CFTR: variants seen among roughly 807,000 people sequenced by gnomAD.
CFTR encodes the protein CF transmembrane conductance regulator, also known as cystic fibrosis transmembrane conductance regulator.
Under a neutral mutation model 171.6 loss-of-function variants are expected in CFTR, and 181 were observed. The observed-to-expected ratio is 1.05, with a 90% CI of 0.93 to 1.19. The LOEUF (loss-of-function observed/expected upper bound fraction) is 1.19. CFTR is among the 50% of genes most tolerant of loss of function. CFTR has a pLI of 0.00. For synonymous variants in CFTR, 583 were observed against 608.0 expected (o/e 0.96, Z 0.60); for missense variants, 1,968 against 1,734.7 (o/e 1.13, Z -2.39).
chr7:117,597,773 T>C (rs184550523), intron 15 of CFTR, among the ~76,000 whole-genome samples: 2,204 of 151,774 alleles, frequency 0.015, 29 homozygotes, highest in Non-Finnish European at 0.021. Context: ...CCCATTGTGG[T>C]TTCTTTACCA....
chr7:117,604,094 C>T (rs1471621725), intron 17 of CFTR, among the ~76,000 whole-genome samples: 2 of 152,122 alleles, frequency 1.3e-5, no homozygotes, highest in Non-Finnish European at 2.9e-5. Flanking sequence ...TAGCTCTCTT[C>T]TGGGCATCTT....
chr7:117,611,681 A>C lies in CFTR; in HGVS notation c.3240A>C (p.Lys1080Asn). The C allele has an allele frequency of 6.2e-7, 1 of 1,613,558 alleles. No homozygotes were observed. The highest frequency in any genetic ancestry group is 1.1e-5 in the South Asian group (1 of 91,070). The part of the protein sequence containing the change: ...RQPYFETLFH[K>N]ALNLHTANWF... ...CTTACTTTGAAACTCTGTTCCACAA[A>C]GCTCTGAATTTACATACTGCCAACT... Residue 1080 changes from lysine to asparagine, a missense_variant, in exon 20 of 27, where the codon AAA (lysine) becomes AAC (asparagine). Physicochemically the swap from Lys to Asn is moderately conservative, Grantham distance 94 (BLOSUM62 0). Coordinates refer to ENST00000003084, the MANE Select transcript of CFTR (RefSeq NM_000492.4).
At position 117,559,555 on chromosome 7, in the gene CFTR, C is replaced by T. The variant is rs906983070; in HGVS notation, c.1484C>T (p.Ser495Phe). The T allele has an allele frequency of 5.0e-6, 8 of 1,612,090 alleles. No individual in the cohort carries two copies. The highest frequency in any genetic ancestry group is 3.3e-5 in the South Asian group (3 of 91,036). ...AGAATTTCATTCTGTTCTCAGTTTT[C>T]CTGGATTATGCCTGGCACCATTAAA... ...SGRISFCSQF[S>F]WIMPGTIKEN... Residue 495 changes from serine to phenylalanine, a missense_variant, in exon 11 of 27, where the codon TCC becomes TTC. Ser to Phe is a radical substitution (Grantham distance 155, BLOSUM62 -2). Coordinates refer to ENST00000003084, the MANE Select transcript of CFTR (RefSeq NM_000492.4).
intron 11 of CFTR, among the ~76,000 whole-genome samples, chr7:117,571,098 T>C (rs1276450708): frequency 6.6e-6 from 1 of 152,130 alleles, no homozygotes; most frequent in Non-Finnish European, 1.5e-5. Flanking sequence ...AAATTTAAAC[T>C]ATGGAAGTCC....
intron 21 of CFTR, among the ~76,000 whole-genome samples, chr7:117,620,849 G>C (rs1276573920): frequency 1.3e-5 from 2 of 152,160 alleles, no homozygotes; most frequent in African/African-American, 4.8e-5. Flanking sequence ...GCTCATGCCT[G>C]TAATCCCAGC....
At chr7:117,644,578 G>T (rs537771414) in intron 23 of CFTR, among the ~76,000 whole-genome samples, 11 of 152,144 alleles carry the variant, frequency 7.2e-5, no homozygotes, top group African/African-American at 2.4e-4. Context: ...TGGATCATTT[G>T]TTTTCAGACA....
intron 25 of CFTR, 45 bp downstream of exon 25, chr7:117,664,905 A>G: frequency 1.3e-6 from 2 of 1,582,228 alleles, no homozygotes; most frequent in Non-Finnish European, 1.7e-6. Flanking sequence ...GTGGGAACAG[A>G]ATCATTATGC....
chr7:117,631,069 C>G (rs1258453095), intron 22 of CFTR, among the ~76,000 whole-genome samples: 2 of 152,024 alleles, frequency 1.3e-5, no homozygotes, highest in East Asian at 3.9e-4. Context: ...AACTCCTGGC[C>G]TCAAGTGATC....
intron 22 of CFTR, among the ~76,000 whole-genome samples, chr7:117,639,991 A>C (rs1228243612): frequency 6.6e-6 from 1 of 152,162 alleles, no homozygotes; most frequent in Non-Finnish European, 1.5e-5. Flanking sequence ...GAAATGTTCT[A>C]TTCATGGTAC....
intron 2 of CFTR, among the ~76,000 whole-genome samples, chr7:117,506,675 C>G (rs999205846): frequency 6.6e-6 from 1 of 152,170 alleles, no homozygotes; most frequent in African/African-American, 2.4e-5. Flanking sequence ...GCAGAATTAT[C>G]TGGCTTAACA....
At chr7:117,623,923 G>A (rs1448517149) in intron 21 of CFTR, among the ~76,000 whole-genome samples, 1 of 152,060 alleles carries the variant, frequency 6.6e-6, no homozygotes, top group Non-Finnish European at 1.5e-5. Flanking sequence ...ATAAGCCACA[G>A]GTCCTCTCAC....
chr7:117,581,100 A>G (rs1266373918), intron 11 of CFTR, among the ~76,000 whole-genome samples: 1 of 152,186 alleles, frequency 6.6e-6, no homozygotes, highest in African/African-American at 2.4e-5. Context: ...AATAAAATTA[A>G]TTGGTCATCT....
At chr7:117,616,888 T>C (rs1015579944) in intron 21 of CFTR, among the ~76,000 whole-genome samples, 4 of 152,178 alleles carry the variant, frequency 2.6e-5, no homozygotes, top group Non-Finnish European at 5.9e-5. Flanking sequence ...ATTTATCTGG[T>C]TAATGATTCC....
Position 117,667,316 on chromosome 7 carries a change from A to T in CFTR, c.*208A>T, listed in dbSNP as rs1194207067. 1.8e-6 allele frequency: 1 copy of T among 568,102 alleles called. No homozygotes were observed. The highest frequency in any genetic ancestry group is 1.9e-5 in the African/African-American group (1 of 53,296). 35.2% of individuals were successfully genotyped at this position (568,102 alleles called of 1,614,324 possible). ...GATAAATGGCTTCCTGGCAATAGTC[A>T]AATTGTGTGAAAGGTACTTCAAATC... On this transcript the variant is annotated 3_prime_UTR_variant, in exon 27 of 27. Coordinates refer to ENST00000003084, the MANE Select transcript of CFTR (RefSeq NM_000492.4).
intron 21 of CFTR, among the ~76,000 whole-genome samples, chr7:117,615,950 T>C (rs904792447): frequency 1.3e-5 from 2 of 152,078 alleles, no homozygotes; most frequent in African/African-American, 4.8e-5. Flanking sequence ...ACTATTATTA[T>C]ACTCTTTTTA....
In CFTR at chr7:117,592,673, T is replaced by G; in HGVS notation, c.2490+16T>G. 6.6e-7 allele frequency: 1 copy of G among 1,504,552 alleles called. No individual in the cohort carries two copies. The highest frequency in any genetic ancestry group is 8.8e-7 in the Non-Finnish European group (1 of 1,132,740). 93.2% of individuals were successfully genotyped at this position (1,504,552 alleles called of 1,614,324 possible). Reference sequence around the variant, plus strand: ...AGACTTAAAGGTAGGTATACATCGCTTGGGGGTATTTCACCCCACAGAATG... The same window carrying G: ...AGACTTAAAGGTAGGTATACATCGCGTGGGGGTATTTCACCCCACAGAATG... On this transcript the variant is annotated intron_variant, in intron 14 of 26. Transcript: ENST00000003084.
chr7:117,617,285 T>G (rs1792505453), intron 21 of CFTR, among the ~76,000 whole-genome samples: 1 of 152,036 alleles, frequency 6.6e-6, no homozygotes, highest in Admixed American at 6.6e-5. Flanking sequence ...TGTGGCTTTT[T>G]TTTTTTTTAA....
chr7:117,547,048 C>T (rs893524371), intron 9 of CFTR, among the ~76,000 whole-genome samples: 1 of 152,056 alleles, frequency 6.6e-6, no homozygotes, highest in African/African-American at 2.4e-5. Context: ...GTTTCTAACA[C>T]AGAGATTATA....
At chr7:117,498,481 C>T (rs1315633312) in intron 1 of CFTR, among the ~76,000 whole-genome samples, 4 of 152,132 alleles carry the variant, frequency 2.6e-5, no homozygotes, top group Non-Finnish European at 4.4e-5. Flanking sequence ...ATTCTTGAAG[C>T]CTACAAGTTT....
Sources: gnomAD v4.1 joint callset for allele counts (sites outside exome capture counted in the v4.1 genomes callset) on GRCh38, gnomAD v4.1.1 for gene constraint, MANE v1.5 for transcripts, NCBI Gene and HGNC (gene_info 2026-07-23, HGNC 2026-07-21) for gene names.